Variants in CTTNBP2NL observed in about 807,000 individuals in gnomAD.
CTTNBP2NL encodes the protein CTTNBP2 N-terminal-like protein.
Under a neutral mutation model 32.5 loss-of-function variants are expected in CTTNBP2NL, and 16 were observed. The observed-to-expected ratio is 0.49, with a 90% confidence interval of 0.33 to 0.75. The LOEUF is 0.75. CTTNBP2NL is among the 30% of genes least tolerant of loss of function. The pLI, the probability that CTTNBP2NL is intolerant of heterozygous loss-of-function variation, is 0.02. For synonymous variants in CTTNBP2NL, 298 were observed against 289.4 expected, an observed-to-expected ratio of 1.03 and a Z score of -0.30; for missense variants, 645 against 756.0, an observed-to-expected ratio of 0.85 and a Z score of 1.72.
At chr1:112,398,924 G>A in intron 1 of CTTNBP2NL, among the ~76,000 whole-genome samples, 1 of 151,912 alleles carries the variant, frequency 6.6e-6, no homozygotes, top group East Asian at 1.9e-4. Flanking sequence ...CGTAATGAGT[G>A]CTAATCATTT....
chr1:112,449,172 G>A lies in CTTNBP2NL; in HGVS notation c.330G>A (p.Lys110=), dbSNP rs746114807. 1.9e-6 allele frequency: 3 copies of A among 1,582,010 alleles called. No homozygotes were observed. Among genetic ancestry groups the A allele is most frequent in the Non-Finnish European group, 2.6e-6 (3 of 1,151,468 alleles). Residue 110 remains lysine, a splice_region_variant and synonymous_variant, in exon 4 of 6, where the codon AAG becomes AAA. Transcript: ENST00000271277. ...QLAAAESRHR[K]VILDLEEERQ... ...CTGCTGCTGAGAGCAGGCACCGAAA[G>A]GTAGGTTCACCTCAGTTGATGTGTA... is the stretch of plus-strand genomic sequence containing the variant.
At chr1:112,404,776 G>A (rs1199258350) in intron 1 of CTTNBP2NL, among the ~76,000 whole-genome samples, 1 of 152,194 alleles carries the variant, frequency 6.6e-6, no homozygotes, top group South Asian at 2.1e-4. Context: ...ATTCAGCCGG[G>A]TGCAGTGGCT....
At chr1:112,430,167 C>CTTTCTTTTCTTTTCTTTTCT (rs202124796) in intron 3 of CTTNBP2NL, among the ~76,000 whole-genome samples, 8 of 143,964 alleles carry the variant, frequency 5.6e-5, no homozygotes, top group African/African-American at 2.1e-4. Context: ...TAGCTCTTTT[C>CTTTCTTTTCTTTTCTTTTCT]TTTCTTTTCT....
chr1:112,456,111 T>C lies in CTTNBP2NL; in HGVS notation c.619T>C (p.Leu207=), dbSNP rs932419855. The C allele has an allele frequency of 2.5e-6, 4 of 1,613,710 alleles. No homozygotes were observed. Among genetic ancestry groups the C allele is most frequent in the Non-Finnish European group, 2.5e-6 (3 of 1,179,938 alleles). Residue 207 remains leucine, a synonymous_variant, in exon 6 of 6, where the codon TTG becomes CTG. Coordinates refer to ENST00000271277, the MANE Select transcript of CTTNBP2NL (RefSeq NM_018704.3). ...GQKAGELSLK[L]EKEKSRVSKL... ...GAAGGCAGGAGAGCTGAGCCTGAAA[T>C]TGGAGAAGGAGAAGAGCCGGGTGAG...
rs1159424934 is a variant in CTTNBP2NL at position 112,460,915 on chromosome 1, G to C, written c.*3503G>C. 2 of 152,174 alleles carry C rather than the reference G, an allele frequency of 1.3e-5. No homozygotes were observed. The highest frequency in any genetic ancestry group is 6.5e-5 in the Admixed American group (1 of 15,274). 9.4% of individuals were successfully genotyped at this position (152,174 alleles called of 1,614,324 possible). A position where few individuals can be genotyped will look rare whatever the true frequency, so the allele number is the denominator to read the frequency against. On this transcript the variant is annotated 3_prime_UTR_variant, in exon 6 of 6. Transcript: ENST00000271277. The stretch of plus-strand genomic sequence containing the variant: ...TGTGTGTGTGTGTGTATGTGTGTGT[G>C]TGTGTGAATTCATAAGGAGTGCTTC...
intron 3 of CTTNBP2NL, among the ~76,000 whole-genome samples, chr1:112,438,624 C>T (rs1649808472): frequency 6.6e-6 from 1 of 152,130 alleles, no homozygotes; most frequent in Non-Finnish European, 1.5e-5. Flanking sequence ...AGAGGGCATC[C>T]TTACCTTTTG....
intron 1 of CTTNBP2NL, among the ~76,000 whole-genome samples, chr1:112,399,961 C>T (rs369665306): frequency 6.6e-6 from 1 of 151,888 alleles, no homozygotes; most frequent in Non-Finnish European, 1.5e-5. Context: ...CCCAGCTACT[C>T]GGGAGCCTGA....
upstream of CTTNBP2NL, among the ~76,000 whole-genome samples, chr1:112,394,096 C>T (rs1424208885): frequency 1.3e-5 from 2 of 151,670 alleles, no homozygotes; most frequent in Non-Finnish European, 2.9e-5. Context: ...ATCCCAGCTA[C>T]TCGGAAAGCT....
intron 3 of CTTNBP2NL, among the ~76,000 whole-genome samples, chr1:112,422,318 C>T (rs1649255854): frequency 6.6e-6 from 1 of 152,124 alleles, no homozygotes; most frequent in African/African-American, 2.4e-5. Flanking sequence ...ATATTGATAG[C>T]TCATTTCTTC....
chr1:112,422,696 T>C lies in CTTNBP2NL; in HGVS notation c.99+6432T>C, dbSNP rs377619838. Among the ~76,000 whole-genome samples, 65 of 152,362 alleles carry C rather than the reference T, an allele frequency of 4.3e-4. 3 individuals carry two copies. In the South Asian group the frequency reaches 0.013, roughly 31 times the overall value. On this transcript the variant is annotated intron_variant, in intron 3 of 5. Coordinates refer to ENST00000271277, the MANE Select transcript of CTTNBP2NL (RefSeq NM_018704.3). ...CTTATAGGTGTGTAATATCTCATTA[T>C]AGTTAAAATTTGCATATTATTGTTG... is the stretch of plus-strand genomic sequence containing the variant.
At chr1:112,410,892 G>A (rs1485678934) in intron 1 of CTTNBP2NL, among the ~76,000 whole-genome samples, 3 of 152,226 alleles carry the variant, frequency 2.0e-5, no homozygotes, top group Non-Finnish European at 4.4e-5. Context: ...AGTCACTGAT[G>A]ATGAAGATGA....
chr1:112,418,335 T>C (rs936710637), intron 3 of CTTNBP2NL, among the ~76,000 whole-genome samples: 6 of 152,158 alleles, frequency 3.9e-5, no homozygotes, highest in African/African-American at 1.4e-4. Flanking sequence ...TATACTCTTC[T>C]AGAGCCCCCC....
At chr1:112,423,587 A>ATAAG (rs1418087264) in intron 3 of CTTNBP2NL, among the ~76,000 whole-genome samples, 1 of 152,232 alleles carries the variant, frequency 6.6e-6, no homozygotes, top group African/African-American at 2.4e-5. Flanking sequence ...AAAAGAAAAG[A>ATAAG]TACTTAAGTG....
chr1:112,455,883 A>G (rs370622216), intron 5 of CTTNBP2NL, 48 bp from the exon 6 acceptor site: 36 of 1,372,928 alleles, frequency 2.6e-5, no homozygotes, highest in South Asian at 7.0e-5. Flanking sequence ...AAGACAGTCT[A>G]CTTGATCACA....
rs550848046 is a variant in CTTNBP2NL at position 112,440,342 on chromosome 1, G to A, written c.100-8600G>A. On this transcript the variant is annotated intron_variant, in intron 3 of 5. Transcript: ENST00000271277. The stretch of plus-strand genomic sequence containing the variant: ...TTAGTTTAAAATAAACAATAATACC[G>A]ATTACTTATCATTTCTGTTAGAATT... Among the ~76,000 whole-genome samples the A allele has an allele frequency of 2.1e-4, 32 of 152,228 alleles. No individual in the cohort carries two copies. In the South Asian group the frequency reaches 2.3e-3, roughly 11 times the overall value.
chr1:112,420,714 G>A lies in CTTNBP2NL; in HGVS notation c.99+4450G>A, dbSNP rs79721498. ...GAACTCCTGCTCAAGCAGTTCTGCT[G>A]TCCCAGCCTCCCAAAGTGCTGGGAT... On this transcript the variant is annotated intron_variant, in intron 3 of 5. Transcript: ENST00000271277. Among the ~76,000 whole-genome samples, 586 of 151,006 alleles carry A rather than the reference G, an allele frequency of 3.9e-3. 5 individuals carry two copies. The highest frequency in any genetic ancestry group is 0.013 in the African/African-American group (551 of 41,150).
At chr1:112,440,901 C>A (rs759261405) in intron 3 of CTTNBP2NL, among the ~76,000 whole-genome samples, 1 of 135,288 alleles carries the variant, frequency 7.4e-6, no homozygotes, top group Admixed American at 7.9e-5. Flanking sequence ...CGAGTGTTAA[C>A]GTCTCTGTTG....
chr1:112,421,384 TCTGC>T (rs1199009098), intron 3 of CTTNBP2NL, among the ~76,000 whole-genome samples: 2 of 143,998 alleles, frequency 1.4e-5, no homozygotes, highest in Admixed American at 7.3e-5. Flanking sequence ...CACTGCAACC[TCTGC>T]CTCCTGGGTT....
At chr1:112,392,839 A>C (rs978408484), upstream of CTTNBP2NL, among the ~76,000 whole-genome samples, 5 of 129,514 alleles carry the variant, frequency 3.9e-5, no homozygotes, top group African/African-American at 1.8e-4. Context: ...CAACCTTGTC[A>C]ACACCCTGAT....
Sources: gnomAD v4.1 joint callset for allele counts (sites outside exome capture counted in the v4.1 genomes callset) on GRCh38, gnomAD v4.1.1 for gene constraint, MANE v1.5 for transcripts, NCBI Gene and HGNC (gene_info 2026-07-23, HGNC 2026-07-21) for gene names.